Variants in OGN observed in about 807,000 individuals in gnomAD.
OGN encodes mimecan.
In OGN, 19 loss-of-function variants were observed where a neutral mutation model predicts 30.8. The ratio of observed to expected loss-of-function variants is 0.62; its 90% CI spans 0.43 to 0.90. The LOEUF (loss-of-function observed/expected upper bound fraction) is 0.90, where lower values mean the gene tolerates loss of function less well. OGN is among the 40% of genes least tolerant of loss of function. The probability of loss-of-function intolerance (pLI) is 0.00; values close to 1 mark genes in which losing one functional copy is unlikely to be tolerated. For synonymous variants in OGN, 126 were observed against 128.3 expected, an observed-to-expected ratio of 0.98 and a Z score of 0.12; for missense variants, 283 against 349.7, an observed-to-expected ratio of 0.81 and a Z score of 1.52.
chr9:92,392,621 G>A (rs544652182), intron 4 of OGN, among the ~76,000 whole-genome samples: 1 of 151,456 alleles, frequency 6.6e-6, no homozygotes, highest in Non-Finnish European at 1.5e-5. Flanking sequence ...TGTCGGGTTG[G>A]GGGGAGGGGG....
chr9:92,393,853 G>A (rs938749382), intron 3 of OGN, among the ~76,000 whole-genome samples: 1 of 152,016 alleles, frequency 6.6e-6, no homozygotes, highest in Non-Finnish European at 1.5e-5. Flanking sequence ...GTTGGCAGAG[G>A]TTTCTCATTT....
At chr9:92,385,852 A>C (rs1223800230) in intron 6 of OGN, 62 bp from the exon 7 acceptor site, 1 of 1,550,644 alleles carries the variant, frequency 6.4e-7, no homozygotes, top group Non-Finnish European at 8.9e-7. Flanking sequence ...TATGCTATAT[A>C]ATGGGTAAAG....
At chr9:92,393,273 T>C (rs1012078763) in intron 3 of OGN, 29 bp from the exon 4 acceptor site, 4 of 1,550,416 alleles carry the variant, frequency 2.6e-6, no homozygotes, top group Non-Finnish European at 3.5e-6. Context: ...CATAAAAATA[T>C]GAACAATCGT....
At chr9:92,395,604 A>T (rs930896690) in intron 3 of OGN, among the ~76,000 whole-genome samples, 2 of 152,154 alleles carry the variant, frequency 1.3e-5, no homozygotes, top group Admixed American at 1.3e-4. Context: ...TTTCCAAAGG[A>T]CTGTGCCATT....
rs927633849 is a variant in OGN at position 92,384,908 on chromosome 9, CT to C, written c.*711del. On this transcript the variant is annotated 3_prime_UTR_variant, in exon 7 of 7. Coordinates refer to ENST00000375561, the MANE Select transcript of OGN (RefSeq NM_014057.5). ...GGTTTTGGCCTGCTTGAGTTTAAAA[CT>C]TTTTTTGGTAGACTTAGAATGTTAA... 5.3e-5 allele frequency: 8 copies of C among 152,308 alleles called. No homozygotes were observed. The highest frequency in any genetic ancestry group is 2.1e-4 in the South Asian group (1 of 4,818). 9.4% of individuals were successfully genotyped at this position (152,308 alleles called of 1,614,324 possible). A position where few individuals can be genotyped will look rare whatever the true frequency, so the allele number is the denominator to read the frequency against.
rs1214892003 is a variant in OGN at position 92,390,004 on chromosome 9, A to G, written c.480T>C (p.Asp160=). 6.2e-7 allele frequency: 1 copy of G among 1,607,352 alleles called. No individual in the cohort carries two copies. The highest frequency in any genetic ancestry group is 1.1e-5 in the South Asian group (1 of 90,446). The change falls in exon 5 of 7, where the codon GAT becomes GAC. Residue 160 remains aspartate, a synonymous_variant. Transcript: ENST00000375561. The part of the protein sequence containing the change: ...FTGNLIEDIE[D]GTFSKLSLLE... ...ACAGAGAAAGTTTTGAAAAAGTACC[A>G]TCTTCTATATCTTCTATCAAATTTC...
At chr9:92,403,708 A>G (rs1324395597) in intron 1 of OGN, 1 of 879,612 alleles carries the variant, frequency 1.1e-6, no homozygotes, top group Non-Finnish European at 1.4e-6. Flanking sequence ...AAGTTTCTTA[A>G]TAATTAAGTG....
Position 92,385,751 on chromosome 9 carries a change from T to C in OGN, c.766A>G (p.Lys256Glu), listed in dbSNP as rs760037955. 2 of 1,614,156 alleles carry C rather than the reference T, an allele frequency of 1.2e-6. No individual in the cohort carries two copies. Among genetic ancestry groups the C allele is most frequent in the South Asian group, 2.2e-5 (2 of 91,082 alleles). The change falls in exon 7 of 7, where the codon AAG becomes GAG. Residue 256 changes from lysine to glutamate, a missense_variant. Physicochemically the swap from Lys to Glu is moderately conservative, Grantham distance 56 (BLOSUM62 1). Coordinates refer to ENST00000375561, the MANE Select transcript of OGN (RefSeq NM_014057.5). Reference sequence around the variant, plus strand: ...CGGATGTAACTGGTGTCATTAGCCTTGCAGAATGTGTCATCTGTAATTGAA... The same window carrying C: ...CGGATGTAACTGGTGTCATTAGCCTCGCAGAATGTGTCATCTGTAATTGAA... Reference protein sequence around the residue: ...IASITDDTFCKANDTSYIRDR... With the variant: ...IASITDDTFCEANDTSYIRDR...
chr9:92,388,474 A>G (rs1457537640), intron 5 of OGN, among the ~76,000 whole-genome samples: 2 of 151,990 alleles, frequency 1.3e-5, no homozygotes, highest in African/African-American at 2.4e-5. Context: ...ATCAACTTTT[A>G]TAGGTCTTTA....
intron 3 of OGN, among the ~76,000 whole-genome samples, chr9:92,395,421 C>A (rs889163206): frequency 2.0e-5 from 3 of 152,116 alleles, no homozygotes; most frequent in Non-Finnish European, 4.4e-5. Flanking sequence ...TTTACATGGT[C>A]ATTTCATATG....
At chr9:92,399,070 T>A (rs1225760999) in intron 3 of OGN, among the ~76,000 whole-genome samples, 1 of 150,680 alleles carries the variant, frequency 6.6e-6, no homozygotes, top group African/African-American at 2.4e-5. Flanking sequence ...AAAAAAAAAA[T>A]CCTCAAAGTT....
intron 3 of OGN, among the ~76,000 whole-genome samples, chr9:92,395,918 G>A (rs1000803305): frequency 8.0e-5 from 12 of 150,166 alleles, no homozygotes; most frequent in African/African-American, 2.9e-4. Flanking sequence ...TGGTTTCTGT[G>A]TTGTATTTAA....
At chr9:92,393,358 C>T (rs1842766249) in intron 3 of OGN, 114 bp from the exon 4 acceptor site, 3 of 779,900 alleles carry the variant, frequency 3.8e-6, no homozygotes, top group Non-Finnish European at 5.9e-6. Context: ...AGATGTTTTA[C>T]AGAATCATAA....
At chr9:92,391,321 G>T (rs1210619180) in intron 4 of OGN, among the ~76,000 whole-genome samples, 2 of 151,978 alleles carry the variant, frequency 1.3e-5, no homozygotes, top group South Asian at 4.2e-4. Context: ...GCAGGAGAAT[G>T]GCATGAACCT....
At chr9:92,397,911 A>G (rs557509455) in intron 3 of OGN, among the ~76,000 whole-genome samples, 2 of 152,346 alleles carry the variant, frequency 1.3e-5, no homozygotes, top group Non-Finnish European at 2.9e-5. Context: ...ATATTTCTGT[A>G]TCTCTGTATA....
Position 92,385,698 on chromosome 9 carries a change from C to G in OGN, c.819G>C (p.Glu273Asp). 1 of 1,614,068 alleles carries G rather than the reference C, an allele frequency of 6.2e-7. No individual in the cohort carries two copies. Among genetic ancestry groups the G allele is most frequent in the Non-Finnish European group, 8.5e-7 (1 of 1,179,996 alleles). Residue 273 changes from glutamate (E) to aspartate (D), a missense_variant, in exon 7 of 7, where the codon GAG becomes GAC. Coordinates refer to ENST00000375561, the MANE Select transcript of OGN (RefSeq NM_014057.5). The part of the protein sequence containing the change: ...IRDRIEEIRL[E>D]GNPIVLGKHP... ...GCTTTCCCAGGACGATTGGATTGCCCTCCAGGCGTATCTCTTCAATGCGGT... is the reference window on the plus strand; with the variant it reads ...GCTTTCCCAGGACGATTGGATTGCCGTCCAGGCGTATCTCTTCAATGCGGT...
chr9:92,393,187 A>G lies in OGN; in HGVS notation c.326T>C (p.Val109Ala). Residue 109 changes from valine to alanine, a missense_variant, in exon 4 of 7, where the codon GTT becomes GCT. Val to Ala is a moderately conservative substitution (Grantham distance 64). Transcript: ENST00000375561. ...CLSGSVYCEE[V>A]DIDAVPPLPK... ...TAAGGGTGGTACAGCATCAATGTCA[A>G]CTTCTTCACAGTATACAGAGCCACT... The G allele has an allele frequency of 6.2e-7, 1 of 1,613,858 alleles. No individual in the cohort carries two copies. Among genetic ancestry groups the G allele is most frequent in the African/African-American group, 1.3e-5 (1 of 75,044 alleles).
At chr9:92,393,318 G>A in intron 3 of OGN, 74 bp from the exon 4 acceptor site, 3 of 1,185,504 alleles carry the variant, frequency 2.5e-6, no homozygotes, top group Non-Finnish European at 3.5e-6. Flanking sequence ...TAAAATTATT[G>A]CTATTATGAA....
At position 92,386,271 on chromosome 9, in the gene OGN, T is replaced by A. The variant is rs757247264; in HGVS notation, c.656A>T (p.Tyr219Phe). 1.9e-6 allele frequency: 3 copies of A among 1,613,284 alleles called. No individual in the cohort carries two copies. Among genetic ancestry groups the A allele is most frequent in the African/African-American group, 2.7e-5 (2 of 75,000 alleles). The change falls in exon 6 of 7, where the codon TAC becomes TTC. Residue 219 changes from tyrosine (Y) to phenylalanine (F), a missense_variant. Coordinates refer to ENST00000375561, the MANE Select transcript of OGN (RefSeq NM_014057.5). ...FKKLNNLTFL[Y>F]LDHNALESVP... ...GGATTCCAGGGCATTATGGTCCAAG[T>A]AGAGGAAGGTGAGGTTATTCAGTTT... is the stretch of plus-strand genomic sequence containing the variant.
Sources: gnomAD v4.1 joint callset for allele counts (sites outside exome capture counted in the v4.1 genomes callset) on GRCh38, gnomAD v4.1.1 for gene constraint, MANE v1.5 for transcripts, NCBI Gene and HGNC (gene_info 2026-07-23, HGNC 2026-07-21) for gene names.